CLSTN2: variants seen among roughly 807,000 people sequenced by gnomAD.
The protein encoded by CLSTN2 is calsyntenin-2.
In CLSTN2, 48 loss-of-function variants were observed where a neutral mutation model predicts 101.2. The ratio of observed to expected loss-of-function variants is 0.47; its 90% confidence interval spans 0.38 to 0.60. The LOEUF (loss-of-function observed/expected upper bound fraction) is 0.60, where lower values mean the gene tolerates loss of function less well. Ranked by LOEUF, CLSTN2 falls within the 20% of genes least tolerant of loss-of-function variation. The probability of loss-of-function intolerance (pLI) is 0.00; values close to 1 mark genes in which losing one functional copy is unlikely to be tolerated. For synonymous variants in CLSTN2, 481 were observed against 463.6 expected (o/e 1.04, Z -0.48); for missense variants, 1,160 against 1,238.2 (o/e 0.94, Z 0.95).
chr3:140,351,183 A>G (rs569818410), intron 2 of CLSTN2, among the ~76,000 whole-genome samples: 1 of 152,316 alleles, frequency 6.6e-6, no homozygotes, highest in African/African-American at 2.4e-5. Flanking sequence ...AAAATTTTCA[A>G]AAGTGTTTGT....
At chr3:140,010,296 G>A (rs537546528) in intron 1 of CLSTN2, among the ~76,000 whole-genome samples, 2 of 152,272 alleles carry the variant, frequency 1.3e-5, no homozygotes, top group African/African-American at 4.8e-5. Context: ...TTGGTGTGAA[G>A]ACTCTTTCTG....
chr3:140,177,268 C>A (rs1277060967), intron 2 of CLSTN2, among the ~76,000 whole-genome samples: 1 of 152,152 alleles, frequency 6.6e-6, no homozygotes, highest in Non-Finnish European at 1.5e-5. Context: ...CCCAGTTTTA[C>A]CAAATGCCTG....
At chr3:140,128,404 A>G (rs1197027716) in intron 1 of CLSTN2, among the ~76,000 whole-genome samples, 2 of 152,230 alleles carry the variant, frequency 1.3e-5, no homozygotes, top group African/African-American at 2.4e-5. Flanking sequence ...GCATCCTGGC[A>G]GGAAACAGAT....
chr3:140,363,946 G>T (rs528559867), intron 2 of CLSTN2, among the ~76,000 whole-genome samples: 24 of 152,266 alleles, frequency 1.6e-4, no homozygotes, highest in African/African-American at 5.8e-4. Context: ...TCTCTCATTC[G>T]CAAACCAAGA....
chr3:140,096,968 A>G (rs1368264907), intron 1 of CLSTN2, among the ~76,000 whole-genome samples: 1 of 152,148 alleles, frequency 6.6e-6, no homozygotes, highest in Non-Finnish European at 1.5e-5. Context: ...TGAGTGGGCA[A>G]ATTCCTGACT....
rs529386842 is a variant in CLSTN2, at chr3:140,385,278, C to G, written c.233-18351C>G. On this transcript the variant is annotated intron_variant, in intron 2 of 16. Transcript: ENST00000458420. Reference sequence around the variant, plus strand: ...AGCATCTTGGTTCATAGTATGGGATCCATGAGACGGCTCACTCTCATGATG... The same window carrying G: ...AGCATCTTGGTTCATAGTATGGGATGCATGAGACGGCTCACTCTCATGATG... Among the ~76,000 whole-genome samples, 5 of 151,440 alleles carry G rather than the reference C, an allele frequency of 3.3e-5. No individual in the cohort carries two copies. The East Asian group carries it at 9.7e-4, about 29-fold the overall frequency.
At chr3:140,157,857 T>C (rs1392806966) in intron 1 of CLSTN2, among the ~76,000 whole-genome samples, 8 of 152,176 alleles carry the variant, frequency 5.3e-5, no homozygotes, top group African/African-American at 1.9e-4. Context: ...GCTGGTTCAA[T>C]ATACACAAAT....
chr3:140,383,869 G>A (rs2088021185), intron 2 of CLSTN2, among the ~76,000 whole-genome samples: 1 of 152,194 alleles, frequency 6.6e-6, no homozygotes, highest in African/African-American at 2.4e-5. Flanking sequence ...TAGCATTGCT[G>A]GTCTGTGGAA....
intron 1 of CLSTN2, among the ~76,000 whole-genome samples, chr3:140,016,576 G>A (rs554072282): frequency 7.9e-5 from 12 of 151,960 alleles, no homozygotes; most frequent in East Asian, 1.9e-4. Flanking sequence ...CGAGGCGGGC[G>A]GATCATGAGG....
At chr3:140,016,572 G>A (rs55840308) in intron 1 of CLSTN2, among the ~76,000 whole-genome samples, 27,646 of 151,854 alleles carry the variant, frequency 0.18, 2,954 homozygotes, top group Admixed American at 0.36. Context: ...AGGCCGAGGC[G>A]GGCGGATCAT....
intron 2 of CLSTN2, among the ~76,000 whole-genome samples, chr3:140,224,277 C>T (rs951411142): frequency 7.2e-5 from 11 of 152,126 alleles, no homozygotes; most frequent in Non-Finnish European, 1.3e-4. Flanking sequence ...CTACAGAAGA[C>T]AGTAACGATA....
intron 2 of CLSTN2, among the ~76,000 whole-genome samples, chr3:140,259,623 G>A (rs2086633039): frequency 6.6e-6 from 1 of 152,068 alleles, no homozygotes; most frequent in Admixed American, 6.6e-5. Context: ...CTCTTTGTAA[G>A]CCTTCCCTCC....
At chr3:140,116,258 GGAAACTTTAT>G (rs2009240885) in intron 1 of CLSTN2, among the ~76,000 whole-genome samples, 2 of 151,980 alleles carry the variant, frequency 1.3e-5, no homozygotes, top group African/African-American at 4.8e-5. Flanking sequence ...CATTTTAAAA[GGAAACTTTAT>G]ATTTCAACCA....
At chr3:140,006,313 A>G (rs2006953512) in intron 1 of CLSTN2, among the ~76,000 whole-genome samples, 1 of 152,238 alleles carries the variant, frequency 6.6e-6, no homozygotes, top group Non-Finnish European at 1.5e-5. Flanking sequence ...TTTTATAATA[A>G]TCTTCCTCCC....
At chr3:140,177,242 A>G in intron 2 of CLSTN2, among the ~76,000 whole-genome samples, 1 of 152,146 alleles carries the variant, frequency 6.6e-6, no homozygotes, top group South Asian at 2.1e-4. Flanking sequence ...TACATTTCCC[A>G]ATCACCCTTA....
At chr3:140,011,894 G>T (rs1177980235) in intron 1 of CLSTN2, among the ~76,000 whole-genome samples, 1 of 151,968 alleles carries the variant, frequency 6.6e-6, no homozygotes, top group Non-Finnish European at 1.5e-5. Flanking sequence ...CCAGATCTGG[G>T]GTGCCGAATG....
chr3:140,079,207 T>C (rs549171671), intron 1 of CLSTN2, among the ~76,000 whole-genome samples: 3 of 152,322 alleles, frequency 2.0e-5, no homozygotes, highest in African/African-American at 7.2e-5. Context: ...GATGCCATCA[T>C]TATCTTGGTA....
At chr3:140,533,447 C>T (rs1392130585) in intron 9 of CLSTN2, among the ~76,000 whole-genome samples, 5 of 152,222 alleles carry the variant, frequency 3.3e-5, no homozygotes, top group South Asian at 2.1e-4. Context: ...CAGTGGCTCA[C>T]GCCTGTAATC....
chr3:140,538,511 C>A (rs1935403639), intron 9 of CLSTN2, among the ~76,000 whole-genome samples: 1 of 152,152 alleles, frequency 6.6e-6, no homozygotes, highest in South Asian at 2.1e-4. Context: ...TTGCAGTAAG[C>A]AGTAACGTAC....
Sources: gnomAD v4.1 joint callset for allele counts (sites outside exome capture counted in the v4.1 genomes callset) on GRCh38, gnomAD v4.1.1 for gene constraint, MANE v1.5 for transcripts, NCBI Gene and HGNC (gene_info 2026-07-23, HGNC 2026-07-21) for gene names.